ERC1: variants seen among roughly 807,000 people sequenced by gnomAD.
ERC1 encodes ELKS/RAB6-interacting/CAST family member 1.
In ERC1, 56 loss-of-function variants were observed where a neutral mutation model predicts 132.0. The ratio of observed to expected loss-of-function variants is 0.42; its 90% CI spans 0.34 to 0.53. The LOEUF (loss-of-function observed/expected upper bound fraction) is 0.53. Ranked by LOEUF, ERC1 falls within the 20% of genes least tolerant of loss-of-function variation. The probability of loss-of-function intolerance (pLI) is 0.03; values close to 1 mark genes in which losing one functional copy is unlikely to be tolerated. For missense variants in ERC1, 1,202 were observed against 1,349.9 expected (o/e 0.89, Z 1.72); for synonymous variants, 478 against 476.1 (o/e 1.00, Z -0.05).
At chr12:1,447,790 C>A (rs1019867511) in intron 18 of ERC1, among the ~76,000 whole-genome samples, 9 of 152,008 alleles carry the variant, frequency 5.9e-5, no homozygotes, top group Admixed American at 2.6e-4. Context: ...GTTGGAACTA[C>A]AGGCGCGCGC....
intron 13 of ERC1, among the ~76,000 whole-genome samples, chr12:1,260,326 C>G (rs923776435): frequency 1.1e-4 from 16 of 152,164 alleles, no homozygotes; most frequent in African/African-American, 3.9e-4. Context: ...GACAAGTGAT[C>G]ATTTTTGGCC....
At chr12:1,187,544 G>A (rs1234359385) in intron 11 of ERC1, among the ~76,000 whole-genome samples, 1 of 151,880 alleles carries the variant, frequency 6.6e-6, no homozygotes, top group African/African-American at 2.4e-5. Context: ...TGGGATTAGA[G>A]ACGTGAACCA....
At chr12:1,422,173 C>G (rs1443878955) in intron 17 of ERC1, among the ~76,000 whole-genome samples, 1 of 152,210 alleles carries the variant, frequency 6.6e-6, no homozygotes, top group African/African-American at 2.4e-5. Context: ...ATTTTTGCTT[C>G]AAAGTTAAAC....
intron 2 of ERC1, among the ~76,000 whole-genome samples, chr12:1,075,698 C>T (rs922524925): frequency 6.6e-6 from 1 of 150,594 alleles, no homozygotes; most frequent in Non-Finnish European, 1.5e-5. Flanking sequence ...TGCACTCCAT[C>T]TCTTGGAAAC....
chr12:1,241,388 T>C (rs936343776), intron 13 of ERC1, among the ~76,000 whole-genome samples: 2 of 152,222 alleles, frequency 1.3e-5, no homozygotes. Context: ...TGTTATGAAT[T>C]ACATTGAGGA....
chr12:1,058,602 T>C lies in ERC1; in HGVS notation c.670-24562T>C, dbSNP rs1306611087. On this transcript the variant is annotated intron_variant, in intron 2 of 18. Coordinates refer to ENST00000360905, the MANE Select transcript of ERC1 (RefSeq NM_178040.4). ...TGCTGTTTTGGTTACTATAGCTTTG[T>C]AGTGTATTTTGAAGTCACATAGTGT... Among the ~76,000 whole-genome samples, 3 of 152,320 alleles carry C rather than the reference T, an allele frequency of 2.0e-5. No individual in the cohort carries two copies. In the East Asian group the frequency reaches 5.8e-4, roughly 29 times the overall value.
chr12:1,109,280 T>G (rs958439302), intron 4 of ERC1, among the ~76,000 whole-genome samples: 1 of 152,222 alleles, frequency 6.6e-6, no homozygotes, highest in African/African-American at 2.4e-5. Flanking sequence ...GGACAGTGAT[T>G]TTTAAAAATT....
chr12:1,296,648 G>C (rs1214364756), intron 15 of ERC1, among the ~76,000 whole-genome samples: 1 of 151,900 alleles, frequency 6.6e-6, no homozygotes, highest in Admixed American at 6.6e-5. Context: ...CCCAACCTCA[G>C]GTTGGCCTCC....
At chr12:1,247,696 T>C (rs1432631068) in intron 13 of ERC1, among the ~76,000 whole-genome samples, 1 of 152,184 alleles carries the variant, frequency 6.6e-6, no homozygotes, top group Non-Finnish European at 1.5e-5. Flanking sequence ...CGTAGTTTAA[T>C]TAGGAATGTA....
intron 16 of ERC1, among the ~76,000 whole-genome samples, chr12:1,403,264 A>G (rs1249564362): frequency 6.6e-6 from 1 of 152,072 alleles, no homozygotes; most frequent in Non-Finnish European, 1.5e-5. Context: ...CGTTGGGACC[A>G]GGGGTTTCAT....
chr12:1,145,853 G>C (rs544597445), intron 8 of ERC1, among the ~76,000 whole-genome samples: 1 of 152,210 alleles, frequency 6.6e-6, no homozygotes, highest in East Asian at 1.9e-4. Flanking sequence ...TTATGTTTTT[G>C]TTTACTTTGT....
intron 3 of ERC1, among the ~76,000 whole-genome samples, chr12:1,093,957 C>CTATATATATATATATA (rs202076174): frequency 0.041 from 2,799 of 68,632 alleles, 300 homozygotes; most frequent in East Asian, 0.087. Context: ...ATATATTTTT[C>CTATATATATATATATA]TATATATATA....
chr12:1,305,813 A>G (rs149668795), intron 15 of ERC1, among the ~76,000 whole-genome samples: 11 of 152,280 alleles, frequency 7.2e-5, no homozygotes, highest in East Asian at 1.9e-4. Context: ...GAAGTCTTCA[A>G]AATCCATCAG....
At position 1,014,828 on chromosome 12, in the gene ERC1, A is replaced by T. The variant is rs1344195562; in HGVS notation, c.-156-12920A>T. On this transcript the variant is annotated intron_variant, in intron 1 of 18. Coordinates refer to ENST00000360905, the MANE Select transcript of ERC1 (RefSeq NM_178040.4). ...ACCCAGGCTGGAGTGCAGTGGTGCA[A>T]TCTCAGCTCACTGCAACCTCCGTCT... Among the ~76,000 whole-genome samples, 3 of 151,580 alleles carry T rather than the reference A, an allele frequency of 2.0e-5. No homozygotes were observed. The East Asian group carries it at 5.8e-4, about 29-fold the overall frequency.
intron 18 of ERC1, among the ~76,000 whole-genome samples, chr12:1,460,003 G>T (rs144774030): frequency 0.012 from 1,760 of 152,300 alleles, 24 homozygotes; most frequent in African/African-American, 0.038. Flanking sequence ...ATTAATTAAT[G>T]AATGATATGA....
intron 8 of ERC1, among the ~76,000 whole-genome samples, chr12:1,143,659 TTC>T (rs1333624091): frequency 6.6e-6 from 1 of 151,902 alleles, no homozygotes; most frequent in Non-Finnish European, 1.5e-5. Flanking sequence ...CTTTAATTCT[TTC>T]TGTTGCATTT....
At chr12:1,254,637 C>T (rs547480574) in intron 13 of ERC1, among the ~76,000 whole-genome samples, 1 of 152,236 alleles carries the variant, frequency 6.6e-6, no homozygotes, top group Admixed American at 6.5e-5. Context: ...CCTCAGCCTC[C>T]CGAGTGGCTG....
intron 16 of ERC1, among the ~76,000 whole-genome samples, chr12:1,398,731 C>G (rs1299881743): frequency 6.6e-6 from 1 of 152,084 alleles, no homozygotes; most frequent in South Asian, 2.1e-4. Context: ...ACTGGGAAGT[C>G]TAAGATCAAG....
chr12:1,002,212 C>T (rs1447618121), intron 1 of ERC1, among the ~76,000 whole-genome samples: 5 of 124,904 alleles, frequency 4.0e-5, no homozygotes, highest in East Asian at 2.2e-4. Context: ...TTCACTCTGT[C>T]GCCCAGACTG....
Sources: gnomAD v4.1 joint callset for allele counts (sites outside exome capture counted in the v4.1 genomes callset) on GRCh38, gnomAD v4.1.1 for gene constraint, MANE v1.5 for transcripts, NCBI Gene and HGNC (gene_info 2026-07-23, HGNC 2026-07-21) for gene names.